Variants in ABI2 observed in about 807,000 individuals in gnomAD.
ABI2 encodes abelson interactor 2.
In ABI2, 25 loss-of-function variants were observed where a neutral mutation model predicts 59.2. That is an observed-to-expected ratio of 0.42 (90% CI 0.31 to 0.59). The LOEUF (loss-of-function observed/expected upper bound fraction) is 0.59, where lower values mean the gene tolerates loss of function less well. Among genes scored for constraint, ABI2 ranks in the 20% least tolerant of loss-of-function variants. ABI2 has a pLI of 0.14. For missense variants in ABI2, 545 were observed against 681.8 expected (o/e 0.80, Z 2.23); for synonymous variants, 213 against 235.5 (o/e 0.90, Z 0.87).
At position 203,420,950 on chromosome 2, in the gene ABI2, A is replaced by G. The variant is rs1467919331; in HGVS notation, c.1453+3869A>G. 4.5e-5 allele frequency among the ~76,000 whole-genome samples: 4 copies of G among 88,370 alleles called. No individual in the cohort carries two copies. The Admixed American group carries it at 6.7e-4, about 15-fold the overall frequency. 58.0% of individuals were successfully genotyped at this position (88,370 alleles called of 152,430 possible). The stretch of plus-strand genomic sequence containing the variant: ...GGCTGTTTGGGGCAGAGCAGTGTCC[A>G]GTGCATGAGGGTGGGGGTGGGTTGT... On this transcript the variant is annotated intron_variant, in intron 11 of 11. Transcript: ENST00000261018.
At chr2:203,374,390 C>T (rs962380120) in intron 2 of ABI2, among the ~76,000 whole-genome samples, 5 of 151,054 alleles carry the variant, frequency 3.3e-5, no homozygotes, top group African/African-American at 1.2e-4. Flanking sequence ...ATCCCAGCTA[C>T]TCTGGAGGCT....
chr2:203,355,955 G>C (rs2091776573), intron 1 of ABI2, among the ~76,000 whole-genome samples: 1 of 150,540 alleles, frequency 6.6e-6, no homozygotes, highest in Non-Finnish European at 1.5e-5. Flanking sequence ...TCCCCAGATT[G>C]TAAAGGCATT....
At chr2:203,407,137 C>G (rs925559946) in intron 9 of ABI2, among the ~76,000 whole-genome samples, 1 of 152,128 alleles carries the variant, frequency 6.6e-6, no homozygotes, top group Non-Finnish European at 1.5e-5. Flanking sequence ...AGAATTGTTG[C>G]AATATTCAGT....
At chr2:203,381,537 G>A (rs558837645) in intron 3 of ABI2, among the ~76,000 whole-genome samples, 1 of 152,312 alleles carries the variant, frequency 6.6e-6, no homozygotes, top group Non-Finnish European at 1.5e-5. Context: ...AAAATATTGG[G>A]ATTACAGGTG....
At chr2:203,358,629 T>C (rs1323220541) in intron 1 of ABI2, among the ~76,000 whole-genome samples, 1 of 152,240 alleles carries the variant, frequency 6.6e-6, no homozygotes, top group Non-Finnish European at 1.5e-5. Context: ...CTCCATTTTC[T>C]GTGAGATATC....
intron 9 of ABI2, among the ~76,000 whole-genome samples, chr2:203,409,282 C>T (rs952219895): frequency 9.2e-5 from 14 of 152,276 alleles, no homozygotes; most frequent in African/African-American, 3.4e-4. Flanking sequence ...AGGGAAAAAC[C>T]TAACCAAAGG....
chr2:203,387,243 A>G (rs2096567028), intron 4 of ABI2, among the ~76,000 whole-genome samples: 1 of 152,044 alleles, frequency 6.6e-6, no homozygotes, highest in South Asian at 2.1e-4. Context: ...TGAATTAGAG[A>G]TACTTGGCTG....
Position 203,380,326 on chromosome 2 carries a change from G to A in ABI2, c.404G>A (p.Arg135His). The change falls in exon 3 of 12, where the codon CGT (arginine) becomes CAT (histidine). Residue 135 changes from arginine (R) to histidine (H), a missense_variant. Physicochemically the swap from Arg to His is conservative, Grantham distance 29. Around this residue, in one of 4 missense-constraint regions of ABI2, gnomAD observed 410 missense variants for 435.6 expected, o/e 0.94. Transcript: ENST00000261018. ...CCAGCCAACCTTGAACGACCAGTTC[G>A]TTATATTAGAAAACCTATTGACTAT... ...IAPANLERPVRYIRKPIDYTI... is the reference protein window; with the variant it reads ...IAPANLERPVHYIRKPIDYTI... 1 of 1,591,930 alleles carries A rather than the reference G, an allele frequency of 6.3e-7. No individual in the cohort carries two copies. Among genetic ancestry groups the A allele is most frequent in the Non-Finnish European group, 8.6e-7 (1 of 1,167,678 alleles).
At chr2:203,407,712 T>C (rs967110405) in intron 9 of ABI2, among the ~76,000 whole-genome samples, 3 of 152,232 alleles carry the variant, frequency 2.0e-5, no homozygotes, top group Admixed American at 6.5e-5. Flanking sequence ...TTGGTGGTTA[T>C]TGGGAAAGAG....
At chr2:203,407,283 C>T (rs1294191512) in intron 9 of ABI2, among the ~76,000 whole-genome samples, 1 of 152,150 alleles carries the variant, frequency 6.6e-6, no homozygotes, top group African/African-American at 2.4e-5. Flanking sequence ...GAAAATACTA[C>T]ACTTACACAT....
intron 1 of ABI2, among the ~76,000 whole-genome samples, chr2:203,356,124 A>G (rs1157034492): frequency 2.0e-5 from 3 of 151,538 alleles, no homozygotes; most frequent in Non-Finnish European, 2.9e-5. Flanking sequence ...GGTCTTTTTC[A>G]TTAATTGTAC....
At chr2:203,372,061 C>A (rs982728244) in intron 2 of ABI2, among the ~76,000 whole-genome samples, 1 of 151,890 alleles carries the variant, frequency 6.6e-6, no homozygotes, top group East Asian at 1.9e-4. Flanking sequence ...TTTTCCTAGG[C>A]AGAGGACCCT....
intron 1 of ABI2, among the ~76,000 whole-genome samples, chr2:203,334,842 G>A (rs1013441587): frequency 7.9e-5 from 12 of 152,024 alleles, no homozygotes; most frequent in Non-Finnish European, 1.6e-4. Flanking sequence ...TGTATTTTTA[G>A]TAGAGACGGG....
intron 1 of ABI2, among the ~76,000 whole-genome samples, chr2:203,356,504 G>T (rs1339429619): frequency 6.6e-6 from 1 of 152,110 alleles, no homozygotes; most frequent in African/African-American, 2.4e-5. Flanking sequence ...GAGTAGCTGG[G>T]ACTACAGGCG....
At chr2:203,378,327 G>A (rs966945523) in intron 2 of ABI2, among the ~76,000 whole-genome samples, 4 of 152,080 alleles carry the variant, frequency 2.6e-5, no homozygotes, top group Non-Finnish European at 2.9e-5. Context: ...TAGCCAGGAT[G>A]GTCTCGATCT....
In ABI2 at chr2:203,396,790, G is replaced by C. The variant is rs1263651495; in HGVS notation, c.856G>C (p.Ala286Pro). The C allele has an allele frequency of 1.3e-6, 2 of 1,527,928 alleles. No homozygotes were observed. The highest frequency in any genetic ancestry group is 2.8e-5 in the African/African-American group (2 of 72,664). The allele number at this position is 1,527,928 out of a possible 1,614,324, so 94.6% of individuals were successfully genotyped here. ...PSPPSVFPAPAGSAGTPPLPA... is the reference protein window; with the variant it reads ...PSPPSVFPAPPGSAGTPPLPA... ...TTACTCCTCTTTCCCCTCAGCCCCT[G>C]CTGGCTCTGCTGGCACTCCTCCCCT... is the stretch of plus-strand genomic sequence containing the variant. The change falls in exon 8 of 12, where the codon GCT becomes CCT. Residue 286 changes from alanine to proline, a missense_variant. By Grantham distance (27) the Ala-to-Pro change is conservative. This residue lies in a region of ABI2 where 410 missense variants were observed against 435.6 expected (regional missense o/e 0.94). Transcript: ENST00000261018.
chr2:203,363,377 C>G (rs565849279), intron 1 of ABI2, among the ~76,000 whole-genome samples: 1 of 152,228 alleles, frequency 6.6e-6, no homozygotes, highest in Admixed American at 6.5e-5. Flanking sequence ...GTTGTGCTAG[C>G]AAATACTAGG....
intron 3 of ABI2, 74 bp from the exon 4 acceptor site, chr2:203,382,115 C>T: frequency 7.8e-7 from 1 of 1,281,976 alleles, no homozygotes; most frequent in South Asian, 1.4e-5. Context: ...TTTCTCTTCA[C>T]ATCCTGAAGT....
At chr2:203,395,184 A>G in intron 6 of ABI2, 3 of 689,418 alleles carry the variant, frequency 4.4e-6, no homozygotes, top group Non-Finnish European at 7.9e-6. Context: ...AAACATTAAT[A>G]TGGGATAGTA....
Sources: allele counts gnomAD v4.1 joint callset (sites outside exome capture counted in the v4.1 genomes callset), GRCh38; gene constraint gnomAD v4.1.1; regional missense constraint gnomAD v4.1.1; transcripts MANE v1.5; gene names NCBI Gene and HGNC (gene_info 2026-07-23, HGNC 2026-07-21).